Variants in MRPS27 observed in about 807,000 individuals in gnomAD.
MRPS27 encodes the protein mitochondrial ribosomal protein S27.
MRPS27 carries 43 observed loss-of-function variants against 48.9 expected under a neutral mutation model. The ratio of observed to expected loss-of-function variants is 0.88; its 90% confidence interval spans 0.69 to 1.13. The LOEUF (loss-of-function observed/expected upper bound fraction) is 1.13. MRPS27 is among the 50% of genes most tolerant of loss of function. The pLI is 0.00. For missense variants in MRPS27, 467 were observed against 476.3 expected (o/e 0.98, Z 0.18); for synonymous variants, 188 against 171.9 (o/e 1.09, Z -0.73).
intron 4 of MRPS27, among the ~76,000 whole-genome samples, chr5:72,250,523 T>C (rs977041353): frequency 6.6e-6 from 1 of 152,208 alleles, no homozygotes; most frequent in East Asian, 1.9e-4. Flanking sequence ...TGAAAACTAA[T>C]TGCACTGCCA....
At chr5:72,318,315 C>T (rs775080700) in intron 1 of MRPS27, among the ~76,000 whole-genome samples, 1 of 152,210 alleles carries the variant, frequency 6.6e-6, no homozygotes, top group Non-Finnish European at 1.5e-5. Context: ...ATGCAGAATG[C>T]TCGGATAAGG....
chr5:72,292,863 T>C (rs1035808226), intron 4 of MRPS27, among the ~76,000 whole-genome samples: 1 of 152,172 alleles, frequency 6.6e-6, no homozygotes, highest in Admixed American at 6.5e-5. Flanking sequence ...TGAGAAATCC[T>C]AACCCCAGGC....
intron 1 of MRPS27, among the ~76,000 whole-genome samples, chr5:72,315,336 C>G (rs539506922): frequency 6.6e-6 from 1 of 152,050 alleles, no homozygotes; most frequent in East Asian, 1.9e-4. Context: ...GTGGGTGGAT[C>G]ACTTAAGCTC....
At chr5:72,236,131 T>C (rs1245780106) in intron 5 of MRPS27, among the ~76,000 whole-genome samples, 2 of 152,164 alleles carry the variant, frequency 1.3e-5, no homozygotes, top group Non-Finnish European at 2.9e-5. Context: ...TTCTCCCCTA[T>C]ACTGTGAACC....
rs1747889748 is a variant in MRPS27, at chr5:72,226,158, T to C, written c.736A>G (p.Asn246Asp). The C allele has an allele frequency of 6.2e-7, 1 of 1,613,828 alleles. No homozygotes were observed. The highest frequency in any genetic ancestry group is 8.5e-7 in the Non-Finnish European group (1 of 1,179,814). Residue 246 changes from asparagine to aspartate, a missense_variant, in exon 9 of 11, where the codon AAC becomes GAC. Coordinates refer to ENST00000261413, the MANE Select transcript of MRPS27 (RefSeq NM_015084.3). ...CCTGGTTTCCATATCAGAGGCATGT[T>C]GTGGTACACAGCCCGTAGCCCTTGC... ...LQQGLRAVYHNMPLIWKPGYL... is the reference protein window; with the variant it reads ...LQQGLRAVYHDMPLIWKPGYL...
intron 2 of MRPS27, among the ~76,000 whole-genome samples, chr5:72,300,145 T>C (rs1260286047): frequency 6.6e-6 from 1 of 152,270 alleles, no homozygotes; most frequent in Non-Finnish European, 1.5e-5. Flanking sequence ...CACTGCCACA[T>C]TGTTAAAATC....
chr5:72,228,055 T>G, intron 8 of MRPS27: 1 of 571,420 alleles, frequency 1.8e-6, no homozygotes, highest in Non-Finnish European at 3.1e-6. Flanking sequence ...GAACTAGTTC[T>G]TGCTTTGCCA....
intron 2 of MRPS27, among the ~76,000 whole-genome samples, chr5:72,306,952 A>G (rs908732071): frequency 1.3e-5 from 2 of 152,208 alleles, no homozygotes; most frequent in African/African-American, 4.8e-5. Flanking sequence ...TTTCTATTAA[A>G]AAGATTCAGA....
intron 4 of MRPS27, among the ~76,000 whole-genome samples, chr5:72,245,851 T>C (rs570518909): frequency 6.6e-6 from 1 of 152,214 alleles, no homozygotes; most frequent in Non-Finnish European, 1.5e-5. Flanking sequence ...TCAGGATTTC[T>C]TAAGAATTAG....
chr5:72,249,538 AGCCTGGCGCAGCAGCACGT>A (rs1340451918), intron 4 of MRPS27, among the ~76,000 whole-genome samples: 1 of 151,760 alleles, frequency 6.6e-6, no homozygotes, highest in African/African-American at 2.4e-5. Context: ...TACAAAAATT[AGCCTGGCGCAGCAGCACGT>A]GCCTGTAATC....
At position 72,261,724 on chromosome 5, in the gene MRPS27, C is replaced by T. The variant is rs115014733; in HGVS notation, c.282-23596G>A. On this transcript the variant is annotated intron_variant, in intron 4 of 10. Coordinates refer to ENST00000261413, the MANE Select transcript of MRPS27 (RefSeq NM_015084.3). ...AGTCTGTACCATGTAATGTTATGTC[C>T]GTACTATAAAAGAGAACAAGGGAAG... Among the ~76,000 whole-genome samples, 579 of 152,200 alleles carry T rather than the reference C, an allele frequency of 3.8e-3. 2 individuals are homozygous for T. Among genetic ancestry groups the T allele is most frequent in the African/African-American group, 0.013 (559 of 41,536 alleles).
At chr5:72,280,523 T>C (rs945474775) in intron 4 of MRPS27, among the ~76,000 whole-genome samples, 4 of 152,222 alleles carry the variant, frequency 2.6e-5, no homozygotes, top group African/African-American at 9.6e-5. Context: ...AGCCCAGTTT[T>C]CTATATAAGA....
intron 8 of MRPS27, 28 bp downstream of exon 8, chr5:72,228,238 C>T: frequency 6.7e-7 from 1 of 1,482,212 alleles, no homozygotes; most frequent in South Asian, 1.1e-5. Flanking sequence ...CCATGAAGAA[C>T]AGTATTTGTA....
At chr5:72,259,312 T>C (rs1748899169) in intron 4 of MRPS27, among the ~76,000 whole-genome samples, 1 of 151,936 alleles carries the variant, frequency 6.6e-6, no homozygotes, top group African/African-American at 2.4e-5. Flanking sequence ...CTACTAAAAA[T>C]ACAAAATTAG....
chr5:72,294,070 A>G (rs1749911597), intron 4 of MRPS27, among the ~76,000 whole-genome samples: 1 of 152,208 alleles, frequency 6.6e-6, no homozygotes, highest in Admixed American at 6.5e-5. Context: ...AACTTAGGAC[A>G]TTGTTAAAGC....
chr5:72,291,781 G>A (rs1749826092), intron 4 of MRPS27, among the ~76,000 whole-genome samples: 1 of 152,264 alleles, frequency 6.6e-6, no homozygotes, highest in Non-Finnish European at 1.5e-5. Context: ...AGAAACAGAA[G>A]CAAAAGCAAA....
chr5:72,239,201 A>G (rs1270090771), intron 4 of MRPS27, among the ~76,000 whole-genome samples: 10 of 152,170 alleles, frequency 6.6e-5, no homozygotes, highest in Non-Finnish European at 8.8e-5. Context: ...GTACAGATGA[A>G]TACTAGTGGC....
chr5:72,300,781 A>G (rs1246250671), intron 2 of MRPS27, among the ~76,000 whole-genome samples: 1 of 152,178 alleles, frequency 6.6e-6, no homozygotes, highest in Non-Finnish European at 1.5e-5. Flanking sequence ...CCCCACCCTT[A>G]TTATCTAATC....
At chr5:72,257,558 G>A (rs10057030) in intron 4 of MRPS27, among the ~76,000 whole-genome samples, 39,831 of 151,964 alleles carry the variant, frequency 0.26, 5,378 homozygotes, top group East Asian at 0.42. Context: ...AAATTGTTTC[G>A]GAAGACCAAA....
Sources: gnomAD v4.1 joint callset for allele counts (sites outside exome capture counted in the v4.1 genomes callset) on GRCh38, gnomAD v4.1.1 for gene constraint, MANE v1.5 for transcripts, NCBI Gene and HGNC (gene_info 2026-07-23, HGNC 2026-07-21) for gene names.